The following HACE1 variants were observed in gnomAD, a reference collection of about 807,000 sequenced individuals.
The protein encoded by HACE1 is HECT domain and ankyrin repeat containing E3 ubiquitin protein ligase 1, also known as E3 ubiquitin-protein ligase HACE1.
A neutral mutation model predicts 118.4 loss-of-function variants in HACE1; 73 were observed. That is an observed-to-expected ratio of 0.62 (90% confidence interval 0.51 to 0.75). HACE1 has a LOEUF of 0.75. HACE1 is among the 30% of genes least tolerant of loss of function. HACE1 has a pLI of 0.00. For synonymous variants in HACE1, 368 were observed against 374.8 expected, an observed-to-expected ratio of 0.98 and a Z score of 0.21; for missense variants, 749 against 1,102.2, an observed-to-expected ratio of 0.68 and a Z score of 4.54.
intron 1 of HACE1, among the ~76,000 whole-genome samples, chr6:104,852,983 C>G (rs1280235718): frequency 6.6e-6 from 1 of 152,134 alleles, no homozygotes; most frequent in African/African-American, 2.4e-5. Context: ...CATTTTTATT[C>G]ATATGTGCTA....
rs1391710396 is a variant in HACE1 at position 104,750,512 on chromosome 6, C to G, written c.2212-40G>C. The G allele has an allele frequency of 1.9e-6, 3 of 1,557,624 alleles. No individual in the cohort carries two copies. The African/African-American group carries it at 4.1e-5, about 21-fold the overall frequency. On this transcript the variant is annotated intron_variant, in intron 19 of 23. Coordinates refer to ENST00000262903, the MANE Select transcript of HACE1 (RefSeq NM_020771.4). ...GTTTTCATGATGACTTTTCAAAAAC[C>G]TTTTACATACTTAATGTTAATATAA...
At position 104,772,040 on chromosome 6, in the gene HACE1, T is replaced by C. The variant is rs1410512961; in HGVS notation, c.1899A>G (p.Val633=). ...GAAAATAGTTCAAGTGATCAGGATT[T>C]ACATAAGAGTTGCTATTAGGCTGAA... ...TTFQPNSNSY[V]NPDHLNYFRF... Residue 633 remains valine, a synonymous_variant, in exon 18 of 24, where the codon GTA becomes GTG. Coordinates refer to ENST00000262903, the MANE Select transcript of HACE1 (RefSeq NM_020771.4). 1.2e-5 allele frequency: 20 copies of C among 1,605,844 alleles called. No homozygotes were observed. The highest frequency in any genetic ancestry group is 1.6e-5 in the Non-Finnish European group (19 of 1,172,774).
In HACE1 at chr6:104,859,839, C is replaced by G. The variant is rs1777146987; in HGVS notation, c.-197G>C. 2 of 527,600 alleles carry G rather than the reference C, an allele frequency of 3.8e-6. No individual in the cohort carries two copies. The highest frequency in any genetic ancestry group is 4.9e-5 in the South Asian group (2 of 40,884). The allele number at this position is 527,600 out of a possible 1,614,324, so 32.7% of individuals were successfully genotyped here. On this transcript the variant is annotated 5_prime_UTR_variant, in exon 1 of 24. Coordinates refer to ENST00000262903, the MANE Select transcript of HACE1 (RefSeq NM_020771.4). ...GGGCTGCTGCCGGACCGACCACCTA[C>G]AGTACACCCGCCGCCGCCTCTGCTC...
At chr6:104,771,848 C>T (rs2114712364) in intron 18 of HACE1, 77 bp downstream of exon 18, 1 of 990,774 alleles carries the variant, frequency 1.0e-6, no homozygotes, top group Non-Finnish European at 1.6e-6. Flanking sequence ...CAAAATACTA[C>T]TGCTTATCTA....
At chr6:104,734,142 CAAAAAAAA>C (rs11370746) in intron 22 of HACE1, among the ~76,000 whole-genome samples, 1 of 87,174 alleles carries the variant, frequency 1.1e-5, no homozygotes, top group South Asian at 4.4e-4. Context: ...GACTCTTCCT[CAAAAAAAA>C]AAAAAAAAAA....
At chr6:104,809,062 C>T (rs1439800467) in intron 7 of HACE1, among the ~76,000 whole-genome samples, 2 of 152,194 alleles carry the variant, frequency 1.3e-5, no homozygotes, top group Non-Finnish European at 2.9e-5. Flanking sequence ...ACTAACATGT[C>T]TCTATTTTAA....
chr6:104,837,884 C>T (rs2486136), intron 5 of HACE1, among the ~76,000 whole-genome samples: 66,044 of 151,636 alleles, frequency 0.44, 15,923 homozygotes, highest in East Asian at 0.58. Flanking sequence ...ATGAAATCAA[C>T]ATGCAAAAAT....
intron 7 of HACE1, among the ~76,000 whole-genome samples, chr6:104,799,419 C>T (rs985443985): frequency 6.6e-6 from 1 of 152,210 alleles, no homozygotes; most frequent in African/African-American, 2.4e-5. Flanking sequence ...TACAAAAGCT[C>T]ATTACTTACA....
At chr6:104,741,484 G>A (rs202110988) in intron 22 of HACE1, among the ~76,000 whole-genome samples, 61,209 of 122,682 alleles carry the variant, frequency 0.5, 16,931 homozygotes, top group African/African-American at 0.75. Flanking sequence ...AAATCAATGT[G>A]CAAAAATCAC....
chr6:104,734,322 A>G (rs1199159268), intron 22 of HACE1, among the ~76,000 whole-genome samples: 1 of 152,108 alleles, frequency 6.6e-6, no homozygotes, highest in Non-Finnish European at 1.5e-5. Context: ...TTGATTTTTC[A>G]GTAAGGTTGC....
Position 104,811,343 on chromosome 6 carries a change from T to C in HACE1, c.585A>G (p.Val195=). 1.3e-6 allele frequency: 2 copies of C among 1,546,762 alleles called. No homozygotes were observed. Among genetic ancestry groups the C allele is most frequent in the Non-Finnish European group, 1.8e-6 (2 of 1,121,698 alleles). ...DSGADINRPN[V]SGATPLYFAC... ...CAAAGTACAATGGAGTTGCTCCTGA[T>C]ACATTTGGCCTGTTAATATCAGCAC... The change falls in exon 7 of 24, where the codon GTA becomes GTG. Residue 195 remains valine (V), a synonymous_variant. Transcript: ENST00000262903.
rs376275846 is a variant in HACE1 at position 104,732,692 on chromosome 6, T to C, written c.2514-2276A>G. On this transcript the variant is annotated intron_variant, in intron 22 of 23. Coordinates refer to ENST00000262903, the MANE Select transcript of HACE1 (RefSeq NM_020771.4). ...TTAAAAATTGTTTAAATGATACATT[T>C]TATGATATGCATTTACACACACACA... is the stretch of plus-strand genomic sequence containing the variant. Among the ~76,000 whole-genome samples the C allele has an allele frequency of 8.8e-5, 13 of 147,622 alleles. No homozygotes were observed. In the East Asian group the frequency reaches 2.1e-3, roughly 24 times the overall value.
At chr6:104,821,192 T>TGGGCCTTTCAAA (rs1772676716) in intron 6 of HACE1, among the ~76,000 whole-genome samples, 1 of 151,524 alleles carries the variant, frequency 6.6e-6, no homozygotes, top group Non-Finnish European at 1.5e-5. Flanking sequence ...TTCAAAGGGG[T>TGGGCCTTTCAAA]GGAGGATGGG....
intron 22 of HACE1, among the ~76,000 whole-genome samples, chr6:104,734,500 AT>A (rs1417728303): frequency 6.6e-6 from 1 of 152,184 alleles, no homozygotes; most frequent in Non-Finnish European, 1.5e-5. Flanking sequence ...TCGAGGTAAA[AT>A]TTAAGATTTT....
intron 6 of HACE1, among the ~76,000 whole-genome samples, chr6:104,831,990 GGAAGGAAGGAAGGAAGGA>G (rs1774019764): frequency 1.1e-4 from 10 of 95,144 alleles, no homozygotes; most frequent in African/African-American, 3.9e-4. Context: ...GAGGAAGGAA[GGAAGGAAGGAAGGAAGGA>G]AGGAAGGAAG....
At chr6:104,757,723 G>A (rs1272269235) in intron 19 of HACE1, among the ~76,000 whole-genome samples, 1 of 152,184 alleles carries the variant, frequency 6.6e-6, no homozygotes, top group African/African-American at 2.4e-5. Context: ...GTAGGCTTCA[G>A]AAGGTTGGTA....
At chr6:104,744,303 C>T (rs1777168736) in intron 21 of HACE1, 73 bp from the exon 22 acceptor site, 3 of 968,168 alleles carry the variant, frequency 3.1e-6, no homozygotes, top group South Asian at 1.3e-5. Flanking sequence ...GAGAAATATG[C>T]AATATTCATA....
intron 6 of HACE1, among the ~76,000 whole-genome samples, chr6:104,825,760 T>C (rs905441128): frequency 1.3e-5 from 2 of 152,222 alleles, no homozygotes; most frequent in African/African-American, 4.8e-5. Context: ...ATTCCCACCC[T>C]GTGGAGTATA....
chr6:104,839,911 C>T (rs962314256), intron 5 of HACE1, among the ~76,000 whole-genome samples: 1 of 152,112 alleles, frequency 6.6e-6, no homozygotes, highest in African/African-American at 2.4e-5. Context: ...GAGACTGAGG[C>T]AGGAGAATTG....
Sources: allele counts gnomAD v4.1 joint callset (sites outside exome capture counted in the v4.1 genomes callset), GRCh38; gene constraint gnomAD v4.1.1; transcripts MANE v1.5; gene names NCBI Gene and HGNC (gene_info 2026-07-23, HGNC 2026-07-21).